ATR: variants seen among roughly 807,000 people sequenced by gnomAD.
The protein encoded by ATR is ATR checkpoint kinase.
ATR carries 142 observed loss-of-function variants against 305.3 expected under a neutral mutation model. The ratio of observed to expected loss-of-function variants is 0.47; its 90% confidence interval spans 0.41 to 0.53. The LOEUF (loss-of-function observed/expected upper bound fraction) is 0.53. ATR is among the 20% of genes least tolerant of loss of function. The pLI is 0.00. For missense variants in ATR, 2,135 were observed against 3,133.1 expected, an observed-to-expected ratio of 0.68 and a Z score of 7.60; for synonymous variants, 1,050 against 1,068.1, an observed-to-expected ratio of 0.98 and a Z score of 0.33.
intron 23 of ATR, among the ~76,000 whole-genome samples, chr3:142,521,684 G>A (rs1049719629): frequency 1.3e-5 from 2 of 152,182 alleles, no homozygotes; most frequent in African/African-American, 4.8e-5. Context: ...AACTAGAGAT[G>A]TGATAAAAAC....
intron 18 of ATR, among the ~76,000 whole-genome samples, chr3:142,539,771 T>C (rs1207147929): frequency 6.6e-6 from 1 of 152,104 alleles, no homozygotes; most frequent in Non-Finnish European, 1.5e-5. Context: ...CCAAATTTTA[T>C]GAGGAATTTT....
At chr3:142,477,650 T>C (rs934881378) in intron 36 of ATR, among the ~76,000 whole-genome samples, 1 of 152,226 alleles carries the variant, frequency 6.6e-6, no homozygotes, top group African/African-American at 2.4e-5. Context: ...TTGATTGAAA[T>C]AGTTTCAGAA....
intron 21 of ATR, among the ~76,000 whole-genome samples, chr3:142,534,070 T>C (rs1380099310): frequency 3.3e-5 from 5 of 152,096 alleles, no homozygotes; most frequent in Non-Finnish European, 7.4e-5. Flanking sequence ...AAAACCTCTA[T>C]GCAAAGAGGA....
chr3:142,480,225 C>T (rs2030322248), intron 36 of ATR, among the ~76,000 whole-genome samples: 1 of 152,138 alleles, frequency 6.6e-6, no homozygotes, highest in African/African-American at 2.4e-5. Context: ...GTTTTATCTA[C>T]CTTTGGTCTT....
Position 142,558,667 on chromosome 3 carries a change from G to A in ATR, c.1842C>T (p.Ala614=), listed in dbSNP as rs376207579. Residue 614 remains alanine (A), a synonymous_variant, in exon 8 of 47, where the codon GCC becomes GCT. Transcript: ENST00000350721. ...TACAGCTTAATGTTAGAAGATTAGCGGCAAATGTGGTCAACTTTAAACAGC... is the reference window on the plus strand; with the variant it reads ...TACAGCTTAATGTTAGAAGATTAGCAGCAAATGTGGTCAACTTTAAACAGC... ...DDGCLKLTTF[A]ANLLTLSCRI... is the part of the protein sequence containing the mutation. The A allele has an allele frequency of 2.5e-5, 41 of 1,613,216 alleles. No homozygotes were observed. The highest frequency in any genetic ancestry group is 4.5e-5 in the East Asian group (2 of 44,750).
intron 19 of ATR, among the ~76,000 whole-genome samples, chr3:142,536,813 C>T (rs551082421): frequency 1.3e-5 from 2 of 152,180 alleles, no homozygotes; most frequent in Non-Finnish European, 2.9e-5. Context: ...TTTTAAGATA[C>T]TAGGTTTTGG....
intron 21 of ATR, among the ~76,000 whole-genome samples, chr3:142,533,127 C>T (rs139558281): frequency 1.9e-3 from 289 of 151,894 alleles, no homozygotes; most frequent in African/African-American, 6.2e-3. Context: ...AGCAAGACCC[C>T]ATCTCTTAAA....
At chr3:142,521,676 C>T (rs1229839015) in intron 23 of ATR, among the ~76,000 whole-genome samples, 1 of 152,150 alleles carries the variant, frequency 6.6e-6, no homozygotes, top group Non-Finnish European at 1.5e-5. Flanking sequence ...GAGGAAGTAA[C>T]TAGAGATGTG....
At chr3:142,486,186 G>C (rs531521925) in intron 35 of ATR, among the ~76,000 whole-genome samples, 2 of 151,742 alleles carry the variant, frequency 1.3e-5, no homozygotes, top group East Asian at 3.9e-4. Flanking sequence ...TTTTTTAATT[G>C]AAGTTCCACT....
At chr3:142,552,890 T>C (rs977124500) in intron 13 of ATR, among the ~76,000 whole-genome samples, 13 of 148,724 alleles carry the variant, frequency 8.7e-5, no homozygotes, top group Non-Finnish European at 1.5e-5. Flanking sequence ...TTCTCACTTA[T>C]AAGTAGGAGC....
At chr3:142,502,107 T>C (rs931826295) in intron 30 of ATR, among the ~76,000 whole-genome samples, 2 of 152,160 alleles carry the variant, frequency 1.3e-5, no homozygotes, top group Non-Finnish European at 2.9e-5. Flanking sequence ...GAAAAGAGAA[T>C]ACTTATACAC....
chr3:142,522,589 T>C (rs2033193320), intron 23 of ATR, 139 bp downstream of exon 23: 2 of 796,016 alleles, frequency 2.5e-6, no homozygotes, highest in Non-Finnish European at 4.2e-6. Flanking sequence ...TTCTGTACTC[T>C]AAAATGTTTA....
rs138025798 is a variant in ATR, at chr3:142,547,899, T to C, written c.3183A>G (p.Glu1061=). The change falls in exon 16 of 47, where the codon GAA becomes GAG. Residue 1061 remains glutamate (E), a synonymous_variant. Coordinates refer to ENST00000350721, the MANE Select transcript of ATR (RefSeq NM_001184.4). ...GTCTCAACAGGCTCCCCAGTTCAAT[T>C]TCTGTTTCATTCTAACCCAAAGACA... ...RALHYLKNET[E]IELGSLLRQD... The C allele has an allele frequency of 2.0e-5, 32 of 1,613,934 alleles. No individual in the cohort carries two copies. In the African/African-American group the frequency reaches 3.7e-4, roughly 19 times the overall value.
rs9870078 is a variant in ATR at position 142,553,790 on chromosome 3, C to T, written c.2532+35G>A. The T allele has an allele frequency of 1.3e-3, 2,097 of 1,610,128 alleles. 23 individuals carry two copies. In the African/African-American group the frequency reaches 0.023, roughly 18 times the overall value. On this transcript the variant is annotated intron_variant, in intron 11 of 46. Coordinates refer to ENST00000350721, the MANE Select transcript of ATR (RefSeq NM_001184.4). ...AAAGAAATTTTTAGAGCTAGGTTGACGTAAACTCAAATGTTAAAAACAAAA... is the reference window on the plus strand; with the variant it reads ...AAAGAAATTTTTAGAGCTAGGTTGATGTAAACTCAAATGTTAAAAACAAAA...
At position 142,553,317 on chromosome 3, in the gene ATR, T is replaced by C. The variant is rs2108462351; in HGVS notation, c.2715A>G (p.Gly905=). The change falls in exon 13 of 47, where the codon GGA becomes GGG. Residue 905 remains glycine (G), a synonymous_variant. Coordinates refer to ENST00000350721, the MANE Select transcript of ATR (RefSeq NM_001184.4). ...CLLSKSASVS[G]AAYTEIRALV... Reference sequence around the variant, plus strand: ...GAGCTCTAATTTCTGTGTATGCTGCTCCAGAGACAGATGCTGACTTGGATA... The same window carrying C: ...GAGCTCTAATTTCTGTGTATGCTGCCCCAGAGACAGATGCTGACTTGGATA... The C allele has an allele frequency of 1.9e-6, 3 of 1,614,004 alleles. No homozygotes were observed. Among genetic ancestry groups the C allele is most frequent in the Non-Finnish European group, 2.5e-6 (3 of 1,179,958 alleles).
rs759350161 is a variant in ATR, at chr3:142,558,666, C to T, written c.1843G>A (p.Ala615Thr). ...CTACAGCTTAATGTTAGAAGATTAG[C>T]GGCAAATGTGGTCAACTTTAAACAG... Reference protein sequence around the residue: ...DGCLKLTTFAANLLTLSCRIS... With the variant: ...DGCLKLTTFATNLLTLSCRIS... Residue 615 changes from alanine (A) to threonine (T), a missense_variant, in exon 8 of 47, where the codon GCT becomes ACT. Coordinates refer to ENST00000350721, the MANE Select transcript of ATR (RefSeq NM_001184.4). The T allele has an allele frequency of 2.2e-5, 35 of 1,613,122 alleles. No homozygotes were observed. Among genetic ancestry groups the T allele is most frequent in the Admixed American group, 5.0e-5 (3 of 59,980 alleles).
At chr3:142,528,881 T>A (rs13064058) in intron 21 of ATR, among the ~76,000 whole-genome samples, 204 of 49,664 alleles carry the variant, frequency 4.1e-3, no homozygotes, top group East Asian at 0.018. Flanking sequence ...ATATATATAT[T>A]TTTTTTTTTT....
In ATR at chr3:142,459,394, G is replaced by C. The variant is rs769089670; in HGVS notation, c.7193-11C>G. 32 of 1,613,542 alleles carry C rather than the reference G, an allele frequency of 2.0e-5. No homozygotes were observed. The highest frequency in any genetic ancestry group is 2.6e-5 in the Non-Finnish European group (31 of 1,179,744). On this transcript the variant is annotated splice_polypyrimidine_tract_variant and intron_variant, in intron 42 of 46. Coordinates refer to ENST00000350721, the MANE Select transcript of ATR (RefSeq NM_001184.4). ...CTGTCATATACACTCCTGCAAGGAA[G>C]AGTGATATCCATTAATCACATCAGC...
At chr3:142,502,281 C>T (rs578162560) in intron 30 of ATR, among the ~76,000 whole-genome samples, 2 of 152,144 alleles carry the variant, frequency 1.3e-5, no homozygotes, top group Non-Finnish European at 2.9e-5. Context: ...TTCATTGCAG[C>T]ACTATTCATA....
Sources: allele counts gnomAD v4.1 joint callset (sites outside exome capture counted in the v4.1 genomes callset), GRCh38; gene constraint gnomAD v4.1.1; transcripts MANE v1.5; gene names NCBI Gene and HGNC (gene_info 2026-07-23, HGNC 2026-07-21).